The following HNRNPC variants were observed in gnomAD, a reference collection of about 807,000 sequenced individuals.
The protein encoded by HNRNPC is heterogeneous nuclear ribonucleoproteins C1/C2.
A neutral mutation model predicts 33.2 loss-of-function variants in HNRNPC; 3 were observed. The observed-to-expected ratio is 0.09, with a 90% CI of 0.04 to 0.23. The LOEUF is 0.23. HNRNPC is among the 10% of genes least tolerant of loss of function. The pLI is 1.00. For missense variants in HNRNPC, 143 were observed against 366.7 expected (o/e 0.39, Z 4.98); for synonymous variants, 121 against 126.7 (o/e 0.96, Z 0.30).
chr14:21,218,681 CA>C (rs71112557), intron 5 of HNRNPC, among the ~76,000 whole-genome samples: 105 of 51,244 alleles, frequency 2.0e-3, no homozygotes, highest in African/African-American at 5.8e-3. Context: ...AACTCTCTCT[CA>C]AAAAAAAAAA....
chr14:21,266,927 C>T (rs1879083439), intron 1 of HNRNPC, among the ~76,000 whole-genome samples: 1 of 151,440 alleles, frequency 6.6e-6, no homozygotes, highest in Admixed American at 6.6e-5. Context: ...CCCGTCTCTA[C>T]TAAAAATATA....
At chr14:21,251,677 CA>C (rs369079843) in intron 2 of HNRNPC, among the ~76,000 whole-genome samples, 50 of 145,686 alleles carry the variant, frequency 3.4e-4, no homozygotes, top group African/African-American at 9.8e-4. Context: ...GACTCCGTCT[CA>C]AAAAAAAAAG....
At chr14:21,213,196 G>A (rs1891805222) in intron 5 of HNRNPC, 79 bp from the exon 6 acceptor site, 3 of 1,384,826 alleles carry the variant, frequency 2.2e-6, no homozygotes, top group African/African-American at 1.4e-5. Flanking sequence ...ATGATAAATA[G>A]TAAGTGAATA....
chr14:21,264,303 T>A (rs1021909576), intron 1 of HNRNPC: 2 of 152,196 alleles, frequency 1.3e-5, no homozygotes, highest in Admixed American at 6.5e-5. Context: ...AGATGACTCA[T>A]CTATTCTCAA....
chr14:21,248,059 G>T (rs1896199057), intron 2 of HNRNPC, among the ~76,000 whole-genome samples: 1 of 151,878 alleles, frequency 6.6e-6, no homozygotes. Context: ...ACCTTAAAAT[G>T]AGGTCACATT....
At chr14:21,260,481 GGTTA>G (rs964318300) in intron 2 of HNRNPC, among the ~76,000 whole-genome samples, 3 of 151,830 alleles carry the variant, frequency 2.0e-5, no homozygotes, top group African/African-American at 4.8e-5. Context: ...GACCTCTCAG[GGTTA>G]GTTAGGTAAC....
rs771985086 is a variant in HNRNPC, at chr14:21,213,037, G to A, written c.446C>T (p.Ser149Leu). 1 of 1,613,988 alleles carries A rather than the reference G, an allele frequency of 6.2e-7. No individual in the cohort carries two copies. The highest frequency in any genetic ancestry group is 8.5e-7 in the Non-Finnish European group (1 of 1,179,874). Residue 149 changes from serine to leucine, a missense_variant, in exon 6 of 9, where the codon TCA becomes TTA. Transcript: ENST00000553300. ...TTTGCCCCTTCGTGAAGTGTTTCCT[G>A]ATACACGCTGACGTTTCGAGGGCAC... ...AVVPSKRQRV[S>L]GNTSRRGKSG...
At chr14:21,221,906 G>C (rs556289621) in intron 5 of HNRNPC, among the ~76,000 whole-genome samples, 1 of 151,666 alleles carries the variant, frequency 6.6e-6, no homozygotes, top group African/African-American at 2.4e-5. Flanking sequence ...AATATTAGCC[G>C]GGCGTGGTGG....
intron 5 of HNRNPC, among the ~76,000 whole-genome samples, chr14:21,227,023 T>C (rs898215941): frequency 6.6e-6 from 1 of 152,106 alleles, no homozygotes; most frequent in South Asian, 2.1e-4. Context: ...GCTGTTACCA[T>C]TTAAAATAAA....
intron 2 of HNRNPC, chr14:21,262,632 A>G (rs1878426492): frequency 6.6e-6 from 1 of 152,370 alleles, no homozygotes. Flanking sequence ...ATCTGTTCCG[A>G]AGGCCCCCCT....
chr14:21,259,405 A>T (rs1240088037), intron 2 of HNRNPC, among the ~76,000 whole-genome samples: 3 of 152,154 alleles, frequency 2.0e-5, no homozygotes, highest in African/African-American at 7.2e-5. Flanking sequence ...AGGGCAGGGG[A>T]CATGTTTTGT....
intron 2 of HNRNPC, among the ~76,000 whole-genome samples, chr14:21,262,074 C>G (rs2139033928): frequency 6.6e-6 from 1 of 152,320 alleles, no homozygotes; most frequent in East Asian, 1.9e-4. Context: ...AGAGGTTAAA[C>G]AGATTTCCCT....
At chr14:21,245,495 A>C (rs1895877776) in intron 2 of HNRNPC, among the ~76,000 whole-genome samples, 1 of 143,694 alleles carries the variant, frequency 7.0e-6, no homozygotes, top group African/African-American at 2.7e-5. Context: ...GACTGTCGCC[A>C]AAAAAAATAT....
At chr14:21,232,918 T>C (rs1269204466) in intron 3 of HNRNPC, among the ~76,000 whole-genome samples, 1 of 151,946 alleles carries the variant, frequency 6.6e-6, no homozygotes, top group African/African-American at 2.4e-5. Flanking sequence ...ATGCCTGTAG[T>C]ACCAGCTACT....
intron 2 of HNRNPC, among the ~76,000 whole-genome samples, chr14:21,240,702 C>A (rs901138015): frequency 6.6e-6 from 1 of 152,158 alleles, no homozygotes; most frequent in African/African-American, 2.4e-5. Context: ...TTCAGTATAT[C>A]TTGGCTTATT....
intron 5 of HNRNPC, among the ~76,000 whole-genome samples, chr14:21,222,894 A>C (rs909902255): frequency 6.6e-6 from 1 of 150,654 alleles, no homozygotes; most frequent in Non-Finnish European, 1.5e-5. Flanking sequence ...ACTCCGTCTC[A>C]AAAAAAAACC....
At chr14:21,233,807 T>C (rs1261261421) in intron 3 of HNRNPC, 146 bp downstream of exon 3, 4 of 1,006,360 alleles carry the variant, frequency 4.0e-6, no homozygotes, top group Non-Finnish European at 5.8e-6. Flanking sequence ...ATTATAACTA[T>C]AAGCCTAATG....
At chr14:21,239,280 T>C (rs1056859132) in intron 2 of HNRNPC, among the ~76,000 whole-genome samples, 7 of 151,654 alleles carry the variant, frequency 4.6e-5, no homozygotes, top group Non-Finnish European at 7.4e-5. Flanking sequence ...AACGAGACAG[T>C]ATCCTAGCTA....
rs1359410590 is a variant in HNRNPC at position 21,218,415 on chromosome 14, G to A, written c.366-5298C>T. Among the ~76,000 whole-genome samples the A allele has an allele frequency of 2.0e-5, 3 of 152,110 alleles. No individual in the cohort carries two copies. In the East Asian group the frequency reaches 5.8e-4, roughly 29 times the overall value. On this transcript the variant is annotated intron_variant, in intron 5 of 8. Coordinates refer to ENST00000553300, the MANE Select transcript of HNRNPC (RefSeq NM_004500.4). Reference sequence around the variant, plus strand: ...AAAACTAAAATTGAGGCTGGGCATGGTAGCCCATGCCTGTAATCCCAGCAC... The same window carrying A: ...AAAACTAAAATTGAGGCTGGGCATGATAGCCCATGCCTGTAATCCCAGCAC...
Sources: gnomAD v4.1 joint callset for allele counts (sites outside exome capture counted in the v4.1 genomes callset) on GRCh38, gnomAD v4.1.1 for gene constraint, MANE v1.5 for transcripts, NCBI Gene and HGNC (gene_info 2026-07-23, HGNC 2026-07-21) for gene names.